The following CADM1 variants were observed in gnomAD, a reference collection of about 807,000 sequenced individuals.
CADM1 encodes TSLC-1.
Under a neutral mutation model 53.1 loss-of-function variants are expected in CADM1, and 15 were observed. That is an observed-to-expected ratio of 0.28 (90% CI 0.19 to 0.44). The LOEUF (loss-of-function observed/expected upper bound fraction) is 0.44, where lower values mean the gene tolerates loss of function less well. Ranked by LOEUF, CADM1 falls within the 20% of genes least tolerant of loss-of-function variation. The probability of loss-of-function intolerance (pLI) is 1.00; values close to 1 mark genes in which losing one functional copy is unlikely to be tolerated. For synonymous variants in CADM1, 281 were observed against 243.0 expected (o/e 1.16, Z -1.45); for missense variants, 434 against 611.3 (o/e 0.71, Z 3.06).
chr11:115,332,820 G>A (rs921996297), intron 1 of CADM1, among the ~76,000 whole-genome samples: 2 of 152,036 alleles, frequency 1.3e-5, no homozygotes, highest in African/African-American at 4.8e-5. Context: ...TAAATGAAGA[G>A]GGTTAAAAAA....
chr11:115,387,599 A>C (rs1472796487), intron 1 of CADM1, among the ~76,000 whole-genome samples: 1 of 152,184 alleles, frequency 6.6e-6, no homozygotes, highest in Non-Finnish European at 1.5e-5. Context: ...ACATAATTTG[A>C]ATCTATTTTT....
chr11:115,409,218 A>G (rs997370560), intron 1 of CADM1, among the ~76,000 whole-genome samples: 2 of 152,194 alleles, frequency 1.3e-5, no homozygotes, highest in Non-Finnish European at 2.9e-5. Context: ...CACAACTCCA[A>G]TTTCTACAAG....
At chr11:115,343,092 T>C (rs1945490543) in intron 1 of CADM1, among the ~76,000 whole-genome samples, 1 of 152,180 alleles carries the variant, frequency 6.6e-6, no homozygotes, top group African/African-American at 2.4e-5. Flanking sequence ...ATTGTGTCCT[T>C]ATTTGAAGTC....
chr11:115,337,686 C>A (rs1168495713), intron 1 of CADM1, among the ~76,000 whole-genome samples: 2 of 151,998 alleles, frequency 1.3e-5, no homozygotes, highest in African/African-American at 4.8e-5. Context: ...TCTTTGTATT[C>A]CCCATGACTT....
chr11:115,229,514 AT>A (rs1336108785), intron 4 of CADM1, among the ~76,000 whole-genome samples: 1 of 152,180 alleles, frequency 6.6e-6, no homozygotes, highest in Non-Finnish European at 1.5e-5. Flanking sequence ...ACCATACACT[AT>A]TTTTACTGAA....
chr11:115,193,721 C>A (rs1940007498), intron 9 of CADM1: 1 of 150,732 alleles, frequency 6.6e-6, no homozygotes, highest in Admixed American at 6.6e-5. Flanking sequence ...TTTTTTTTTC[C>A]AGAAAATTTT....
At chr11:115,262,096 T>A (rs192398319) in intron 1 of CADM1, among the ~76,000 whole-genome samples, 94 of 152,146 alleles carry the variant, frequency 6.2e-4, no homozygotes, top group African/African-American at 1.9e-3. Flanking sequence ...TCAGTTTTTT[T>A]AAATCACAGC....
intron 1 of CADM1, among the ~76,000 whole-genome samples, chr11:115,291,200 CAGGAAATGATT>C (rs1184213255): frequency 6.6e-6 from 1 of 151,986 alleles, no homozygotes; most frequent in Non-Finnish European, 1.5e-5. Context: ...ATGTGTGTTC[CAGGAAATGATT>C]AATGCTTTGA....
At chr11:115,367,404 G>A (rs532699144) in intron 1 of CADM1, among the ~76,000 whole-genome samples, 24 of 152,226 alleles carry the variant, frequency 1.6e-4, no homozygotes, top group African/African-American at 5.3e-4. Context: ...CTTTCCATTT[G>A]CTTAACCTAC....
intron 1 of CADM1, among the ~76,000 whole-genome samples, chr11:115,346,977 T>C (rs975840203): frequency 6.6e-6 from 1 of 152,070 alleles, no homozygotes; most frequent in South Asian, 2.1e-4. Context: ...TATTGATTCA[T>C]CCTAAAGGTG....
At chr11:115,304,007 T>A (rs1290536062) in intron 1 of CADM1, among the ~76,000 whole-genome samples, 2 of 152,062 alleles carry the variant, frequency 1.3e-5, no homozygotes. Flanking sequence ...ACAGTTTTCA[T>A]TAAGAATTCA....
chr11:115,376,309 ATATT>A (rs1946435912), intron 1 of CADM1, among the ~76,000 whole-genome samples: 1 of 152,168 alleles, frequency 6.6e-6, no homozygotes, highest in African/African-American at 2.4e-5. Flanking sequence ...TAATTACTAT[ATATT>A]TATTACTGTT....
chr11:115,460,252 T>C (rs1020339813), intron 1 of CADM1, among the ~76,000 whole-genome samples: 1 of 152,188 alleles, frequency 6.6e-6, no homozygotes, highest in Non-Finnish European at 1.5e-5. Context: ...TAATTTCAGT[T>C]TGCTCTCTAA....
intron 1 of CADM1, among the ~76,000 whole-genome samples, chr11:115,466,326 A>G (rs1948897967): frequency 6.6e-6 from 1 of 152,202 alleles, no homozygotes; most frequent in Non-Finnish European, 1.5e-5. Context: ...ACATCAATGT[A>G]CTCAGCATTA....
At chr11:115,419,672 C>G (rs137858201) in intron 1 of CADM1, among the ~76,000 whole-genome samples, 1 of 151,998 alleles carries the variant, frequency 6.6e-6, no homozygotes, top group Non-Finnish European at 1.5e-5. Flanking sequence ...AATCTTTGAC[C>G]GTGAACCCGA....
At chr11:115,403,688 C>CT (rs1947222578) in intron 1 of CADM1, among the ~76,000 whole-genome samples, 1 of 152,026 alleles carries the variant, frequency 6.6e-6, no homozygotes, top group Non-Finnish European at 1.5e-5. Context: ...CCTCCACCTC[C>CT]TGGGTTCAAG....
intron 1 of CADM1, among the ~76,000 whole-genome samples, chr11:115,397,974 A>G (rs570947377): frequency 4.6e-5 from 7 of 152,128 alleles, no homozygotes; most frequent in Non-Finnish European, 7.4e-5. Flanking sequence ...TTGGCATCCT[A>G]TGGAATCACT....
chr11:115,491,806 C>T lies in CADM1; in HGVS notation c.124+12465G>A, dbSNP rs186709981. 9.4e-3 allele frequency among the ~76,000 whole-genome samples: 1,424 copies of T among 152,230 alleles called. 9 individuals are homozygous for T. Among genetic ancestry groups the T allele is most frequent in the Non-Finnish European group, 0.011 (752 of 68,016 alleles). On this transcript the variant is annotated intron_variant, in intron 1 of 11. Coordinates refer to ENST00000331581, the MANE Select transcript of CADM1 (RefSeq NM_001301043.2). ...GATGAGATCATGTCCTTTGCAGGGA[C>T]ATGGATGAAGCTGGAAACCATCATT... is the stretch of plus-strand genomic sequence containing the variant.
At chr11:115,295,926 CT>C (rs1944066099) in intron 1 of CADM1, among the ~76,000 whole-genome samples, 1 of 152,118 alleles carries the variant, frequency 6.6e-6, no homozygotes, top group Admixed American at 6.5e-5. Context: ...AGGGCTCCGC[CT>C]TTCATAAAGG....
Sources: gnomAD v4.1 joint callset for allele counts (sites outside exome capture counted in the v4.1 genomes callset) on GRCh38, gnomAD v4.1.1 for gene constraint, MANE v1.5 for transcripts, NCBI Gene and HGNC (gene_info 2026-07-23, HGNC 2026-07-21) for gene names.